NBEA: variants seen among roughly 807,000 people sequenced by gnomAD.
NBEA encodes neurobeachin.
Under a neutral mutation model 343.4 loss-of-function variants are expected in NBEA, and 44 were observed. That is an observed-to-expected ratio of 0.13 (90% CI 0.10 to 0.16). NBEA has a LOEUF of 0.16. Among genes scored for constraint, NBEA ranks in the 10% least tolerant of loss-of-function variants. The probability of loss-of-function intolerance (pLI) is 1.00; values close to 1 mark genes in which losing one functional copy is unlikely to be tolerated. For synonymous variants in NBEA, 1,175 were observed against 1,238.7 expected, an observed-to-expected ratio of 0.95 and a Z score of 1.08; for missense variants, 2,555 against 3,631.3, an observed-to-expected ratio of 0.70 and a Z score of 7.62.
chr13:35,129,100 A>G (rs974180617), intron 17 of NBEA, among the ~76,000 whole-genome samples: 1 of 151,486 alleles, frequency 6.6e-6, no homozygotes, highest in Non-Finnish European at 1.5e-5. Flanking sequence ...TAGGAGATAT[A>G]CCTAATGTTA....
At chr13:35,551,176 G>C in intron 43 of NBEA, 144 bp downstream of exon 43, 1 of 484,398 alleles carries the variant, frequency 2.1e-6, no homozygotes, top group Non-Finnish European at 3.5e-6. Context: ...TGTAGGGATA[G>C]AGATTATGAA....
chr13:35,073,660 G>A (rs1056762520), intron 10 of NBEA, among the ~76,000 whole-genome samples: 34 of 152,138 alleles, frequency 2.2e-4, no homozygotes, highest in Admixed American at 4.6e-4. Flanking sequence ...AAAATTATTG[G>A]CTGGGGGTGG....
At chr13:35,475,642 T>C in intron 41 of NBEA, 1 of 1,613,928 alleles carries the variant, frequency 6.2e-7, no homozygotes, top group Non-Finnish European at 8.5e-7. Context: ...CTGCACCACG[T>C]ACCTATCTCG....
rs1467150630 is a variant in NBEA, at chr13:35,464,797, GTGTATTCTT to G, written c.6449-7601_6449-7593del. Reference sequence around the variant, plus strand: ...TCTTCCTTATGTCATAATTATTCTTGTGTATTCTTTACCTTATACTATAAGCTCTTTGTG... The same window carrying G: ...TCTTCCTTATGTCATAATTATTCTTGTACCTTATACTATAAGCTCTTTGTG... On this transcript the variant is annotated intron_variant, in intron 40 of 58. Transcript: ENST00000379939. Among the ~76,000 whole-genome samples, 40 of 152,158 alleles carry G rather than the reference GTGTATTCTT, an allele frequency of 2.6e-4. No homozygotes were observed. In the Middle Eastern group the frequency reaches 0.01, roughly 39 times the overall value.
At chr13:35,273,718 A>G (rs570231530) in intron 34 of NBEA, among the ~76,000 whole-genome samples, 33 of 152,340 alleles carry the variant, frequency 2.2e-4, no homozygotes, top group African/African-American at 7.0e-4. Flanking sequence ...AACTACCATC[A>G]GAGACTACTA....
At chr13:35,172,272 C>T (rs1298009417) in intron 26 of NBEA, among the ~76,000 whole-genome samples, 3 of 151,494 alleles carry the variant, frequency 2.0e-5, no homozygotes, top group Non-Finnish European at 2.9e-5. Context: ...TTGTTTGTTT[C>T]GTATTATTTA....
chr13:35,355,360 A>C (rs1053008392), intron 38 of NBEA, among the ~76,000 whole-genome samples: 1 of 151,568 alleles, frequency 6.6e-6, no homozygotes, highest in African/African-American at 2.4e-5. Context: ...ATGCTTAGAA[A>C]CCTCCACAGC....
chr13:35,472,352 G>C lies in NBEA; in HGVS notation c.6449-48G>C, dbSNP rs755174232. 1.9e-6 allele frequency: 3 copies of C among 1,584,884 alleles called. No homozygotes were observed. The Admixed American group carries it at 5.4e-5, about 29-fold the overall frequency. On this transcript the variant is annotated intron_variant, in intron 40 of 58. Transcript: ENST00000379939. ...CTGGTACCTTTCTGGGAGGGAGCAG[G>C]AAGGGCCACAGGGGCTCAGCCTGAC... is the stretch of plus-strand genomic sequence containing the variant.
intron 35 of NBEA, among the ~76,000 whole-genome samples, chr13:35,293,704 A>T (rs1164949912): frequency 6.6e-6 from 1 of 152,014 alleles, no homozygotes; most frequent in Non-Finnish European, 1.5e-5. Flanking sequence ...TGAATAGCAG[A>T]TTTAGTTTTC....
At chr13:35,052,076 AG>A (rs1305396328) in intron 6 of NBEA, among the ~76,000 whole-genome samples, 1 of 152,040 alleles carries the variant, frequency 6.6e-6, no homozygotes, top group Non-Finnish European at 1.5e-5. Context: ...AGTTAGGAGC[AG>A]GGCCAGAGAG....
chr13:35,118,056 C>G (rs890741270), intron 14 of NBEA, among the ~76,000 whole-genome samples, 172 bp from the exon 15 acceptor site: 5 of 151,776 alleles, frequency 3.3e-5, no homozygotes, highest in Non-Finnish European at 5.9e-5. Flanking sequence ...TAAATATTTA[C>G]TTAACTTGAA....
At chr13:35,424,580 T>C (rs1474432495) in intron 38 of NBEA, among the ~76,000 whole-genome samples, 1 of 152,202 alleles carries the variant, frequency 6.6e-6, no homozygotes, top group Non-Finnish European at 1.5e-5. Flanking sequence ...TTTGCATCAA[T>C]GTTCATCAAG....
At chr13:35,355,002 A>G (rs1754025580) in intron 38 of NBEA, among the ~76,000 whole-genome samples, 1 of 151,936 alleles carries the variant, frequency 6.6e-6, no homozygotes, top group Admixed American at 6.6e-5. Flanking sequence ...GCCAAAGGCA[A>G]CTCCATTCTT....
At chr13:35,199,422 C>A (rs558446381) in intron 31 of NBEA, among the ~76,000 whole-genome samples, 1 of 152,042 alleles carries the variant, frequency 6.6e-6, no homozygotes, top group Non-Finnish European at 1.5e-5. Context: ...TTACCAATAA[C>A]GTGTTTTTCA....
At chr13:35,139,224 C>G (rs1024875290) in intron 17 of NBEA, among the ~76,000 whole-genome samples, 6 of 151,840 alleles carry the variant, frequency 4.0e-5, no homozygotes. Flanking sequence ...CCACACCTAG[C>G]TAATTTTTGT....
chr13:35,183,404 G>A (rs541959632), intron 29 of NBEA, among the ~76,000 whole-genome samples: 1 of 152,128 alleles, frequency 6.6e-6, no homozygotes, highest in African/African-American at 2.4e-5. Flanking sequence ...CAAAAAGTGA[G>A]TAGAAATTAG....
intron 36 of NBEA, among the ~76,000 whole-genome samples, chr13:35,310,134 C>T (rs969261997): frequency 4.6e-5 from 7 of 151,964 alleles, no homozygotes; most frequent in Middle Eastern, 3.4e-3. Context: ...GCCAAAAATA[C>T]ATTGACATTT....
chr13:35,549,359 C>A (rs2079205171), intron 41 of NBEA, among the ~76,000 whole-genome samples: 1 of 152,054 alleles, frequency 6.6e-6, no homozygotes, highest in African/African-American at 2.4e-5. Flanking sequence ...GTATGTAAAA[C>A]TCAGTAACTG....
chr13:35,658,398 A>G (rs375818229), intron 55 of NBEA, among the ~76,000 whole-genome samples: 2 of 152,224 alleles, frequency 1.3e-5, no homozygotes, highest in East Asian at 3.9e-4. Context: ...TAAAAGGGAA[A>G]AGTGCTCTTC....
Sources: gnomAD v4.1 joint callset for allele counts (sites outside exome capture counted in the v4.1 genomes callset) on GRCh38, gnomAD v4.1.1 for gene constraint, MANE v1.5 for transcripts, NCBI Gene and HGNC (gene_info 2026-07-23, HGNC 2026-07-21) for gene names.